Variants in KHDRBS2 observed in about 807,000 individuals in gnomAD.
KHDRBS2 encodes KH domain-containing, RNA-binding, signal transduction-associated protein 2.
In KHDRBS2, 26 loss-of-function variants were observed where a neutral mutation model predicts 44.3. The ratio of observed to expected loss-of-function variants is 0.59; its 90% CI spans 0.43 to 0.81. The LOEUF (loss-of-function observed/expected upper bound fraction) is 0.81, where lower values mean the gene tolerates loss of function less well. Ranked by LOEUF, KHDRBS2 falls within the 40% of genes least tolerant of loss-of-function variation. The pLI, the probability that KHDRBS2 is intolerant of heterozygous loss-of-function variation, is 0.00. For missense variants in KHDRBS2, 476 were observed against 433.1 expected, an observed-to-expected ratio of 1.10 and a Z score of -0.88; for synonymous variants, 194 against 151.1, an observed-to-expected ratio of 1.28 and a Z score of -2.08.
At chr6:61,660,754 C>A in the KHDRBS2 span, among the ~76,000 whole-genome samples, 2 of 151,450 alleles carry the variant, frequency 1.3e-5, no homozygotes, top group Non-Finnish European at 2.9e-5. Flanking sequence ...TATATCTTGG[C>A]CTTCTCCAGT....
At chr6:62,198,943 C>A (rs951333460) in intron 1 of KHDRBS2, among the ~76,000 whole-genome samples, 1 of 152,116 alleles carries the variant, frequency 6.6e-6, no homozygotes, top group Admixed American at 6.5e-5. Flanking sequence ...ACTCACAAAT[C>A]AATAAAAGTA....
chr6:61,617,625 T>C, the KHDRBS2 span, among the ~76,000 whole-genome samples: 9 of 143,370 alleles, frequency 6.3e-5, no homozygotes, highest in South Asian at 1.3e-3. Context: ...GCTTATTAAC[T>C]GAAAAAGACT....
chr6:61,857,658 C>A (rs1796332739), intron 6 of KHDRBS2, among the ~76,000 whole-genome samples: 2 of 151,800 alleles, frequency 1.3e-5, no homozygotes, highest in South Asian at 2.1e-4. Context: ...AGAGTGAACC[C>A]CAGCAAGTTA....
intron 1 of KHDRBS2, among the ~76,000 whole-genome samples, chr6:62,208,523 A>G (rs1223574045): frequency 6.6e-6 from 1 of 152,228 alleles, no homozygotes; most frequent in African/African-American, 2.4e-5. Flanking sequence ...CCTGGTGTGA[A>G]TAATGCTGCA....
intron 2 of KHDRBS2, among the ~76,000 whole-genome samples, chr6:62,132,067 C>T (rs1461596741): frequency 6.6e-6 from 1 of 152,110 alleles, no homozygotes; most frequent in African/African-American, 2.4e-5. Flanking sequence ...ATATCTTACA[C>T]TTTAATAGTA....
At chr6:61,969,514 G>A (rs1770862026) in intron 4 of KHDRBS2, among the ~76,000 whole-genome samples, 1 of 151,970 alleles carries the variant, frequency 6.6e-6, no homozygotes, top group South Asian at 2.1e-4. Context: ...TGGGTTTAAG[G>A]AGAGTACTCA....
chr6:61,616,661 TTGCCTG>T, the KHDRBS2 span, among the ~76,000 whole-genome samples: 1 of 152,098 alleles, frequency 6.6e-6, no homozygotes, highest in Non-Finnish European at 1.5e-5. Context: ...ACATGTAGTG[TTGCCTG>T]TTACTTTATT....
intron 2 of KHDRBS2, 137 bp downstream of exon 2, chr6:62,177,048 T>G: frequency 2.1e-6 from 1 of 471,374 alleles, no homozygotes; most frequent in Non-Finnish European, 3.5e-6. Context: ...CCTTCCCCTA[T>G]GTCAGTATCA....
chr6:61,931,904 A>T (rs1000502539), intron 4 of KHDRBS2, among the ~76,000 whole-genome samples: 2 of 151,198 alleles, frequency 1.3e-5, no homozygotes, highest in African/African-American at 4.9e-5. Flanking sequence ...CATGAAGACA[A>T]CAAGGATGAA....
chr6:61,687,020 T>C (rs1407843373), intron 8 of KHDRBS2, among the ~76,000 whole-genome samples: 1 of 151,720 alleles, frequency 6.6e-6, no homozygotes, highest in Non-Finnish European at 1.5e-5. Context: ...GCTCTGAGCA[T>C]TTTAAAATAT....
intron 2 of KHDRBS2, among the ~76,000 whole-genome samples, chr6:62,165,603 T>C (rs1227440045): frequency 2.0e-5 from 3 of 151,938 alleles, no homozygotes; most frequent in Non-Finnish European, 2.9e-5. Context: ...CTGATAGATG[T>C]GTGCTACTAA....
the KHDRBS2 span, among the ~76,000 whole-genome samples, chr6:61,622,291 C>G: frequency 6.6e-6 from 1 of 152,176 alleles, no homozygotes; most frequent in Non-Finnish European, 1.5e-5. Flanking sequence ...TGTAAGGCAA[C>G]AGACACCCCT....
chr6:61,933,121 C>T (rs1261536141), intron 4 of KHDRBS2, among the ~76,000 whole-genome samples: 8 of 152,114 alleles, frequency 5.3e-5, no homozygotes, highest in Admixed American at 2.6e-4. Flanking sequence ...CAGGAAATTT[C>T]AGTCATGGCA....
chr6:62,062,002 C>T (rs1477583668), intron 2 of KHDRBS2, among the ~76,000 whole-genome samples: 5 of 151,774 alleles, frequency 3.3e-5, no homozygotes, highest in East Asian at 2.0e-4. Context: ...ACGTAGTTCT[C>T]GAGCCTTGGT....
intron 6 of KHDRBS2, among the ~76,000 whole-genome samples, chr6:61,845,910 G>A (rs1486983192): frequency 6.6e-6 from 1 of 152,106 alleles, no homozygotes; most frequent in African/African-American, 2.4e-5. Flanking sequence ...TTGGTGGGAG[G>A]TGACTGGATC....
chr6:62,089,144 C>T (rs1276093083), intron 2 of KHDRBS2, among the ~76,000 whole-genome samples: 1 of 151,962 alleles, frequency 6.6e-6, no homozygotes, highest in Non-Finnish European at 1.5e-5. Flanking sequence ...CAGTGTATCT[C>T]AGCTTGCTAG....
intron 1 of KHDRBS2, among the ~76,000 whole-genome samples, chr6:62,239,747 G>A (rs534813830): frequency 1.2e-4 from 18 of 152,080 alleles, no homozygotes; most frequent in South Asian, 4.2e-4. Context: ...GTGCAGTGGC[G>A]GGATCTCAGA....
intron 1 of KHDRBS2, among the ~76,000 whole-genome samples, chr6:62,252,384 G>T (rs1223200386): frequency 2.0e-5 from 3 of 151,756 alleles, no homozygotes; most frequent in Non-Finnish European, 4.4e-5. Context: ...GACTATTTCA[G>T]ACTCAAATGT....
the KHDRBS2 span, among the ~76,000 whole-genome samples, chr6:61,645,943 A>G: frequency 6.6e-6 from 1 of 152,112 alleles, no homozygotes; most frequent in African/African-American, 2.4e-5. Context: ...GTAAACACAT[A>G]TATTTTTGTT....
Sources: allele counts gnomAD v4.1 joint callset (sites outside exome capture counted in the v4.1 genomes callset), GRCh38; gene constraint gnomAD v4.1.1; transcripts MANE v1.5; gene names NCBI Gene and HGNC (gene_info 2026-07-23, HGNC 2026-07-21).